ARB2A: variants seen among roughly 807,000 people sequenced by gnomAD.
The protein encoded by ARB2A is cotranscriptional regulator ARB2A.
the ARB2A span, among the ~76,000 whole-genome samples, chr5:93,627,719 C>T: frequency 6.6e-6 from 1 of 152,184 alleles, no homozygotes; most frequent in African/African-American, 2.4e-5. Context: ...GGATTACAAG[C>T]ATGAGCCACC....
chr5:93,760,462 GA>G, the ARB2A span, among the ~76,000 whole-genome samples: 1 of 152,106 alleles, frequency 6.6e-6, no homozygotes, highest in African/African-American at 2.4e-5. Context: ...TAAGCAAAAA[GA>G]ACAAATGTGG....
the ARB2A span, among the ~76,000 whole-genome samples, chr5:93,931,191 C>A: frequency 6.6e-6 from 1 of 152,090 alleles, no homozygotes; most frequent in Non-Finnish European, 1.5e-5. Context: ...CCCCACCGGG[C>A]GCAGTGACTC....
chr5:93,682,995 A>G, the ARB2A span: 1 of 1,582,688 alleles, frequency 6.3e-7, no homozygotes, highest in Non-Finnish European at 8.6e-7. Flanking sequence ...TCTTCTACAG[A>G]ACTAGGTCCT....
chr5:93,976,348 GA>G, the ARB2A span, among the ~76,000 whole-genome samples: 1 of 152,192 alleles, frequency 6.6e-6, no homozygotes, highest in East Asian at 1.9e-4. Context: ...TTCCCCCTAA[GA>G]AGATATCCAG....
the ARB2A span, among the ~76,000 whole-genome samples, chr5:94,020,027 A>G: frequency 2.6e-5 from 4 of 152,218 alleles, no homozygotes; most frequent in African/African-American, 7.2e-5. Context: ...ATGTCCATCA[A>G]TGATAGACAG....
At chr5:93,816,040 T>C in the ARB2A span, among the ~76,000 whole-genome samples, 1 of 152,224 alleles carries the variant, frequency 6.6e-6, no homozygotes, top group Non-Finnish European at 1.5e-5. Flanking sequence ...AGATCAAGTA[T>C]GCTTTGAGTC....
At chr5:94,000,347 T>C in the ARB2A span, among the ~76,000 whole-genome samples, 1 of 152,096 alleles carries the variant, frequency 6.6e-6, no homozygotes, top group African/African-American at 2.4e-5. Context: ...TTTTGGATTT[T>C]GGCCATTCTA....
chr5:94,050,644 A>T, the ARB2A span: 1 of 898,204 alleles, frequency 1.1e-6, no homozygotes, highest in Non-Finnish European at 1.7e-6. Context: ...TTGTAGAAAG[A>T]GTGCATAAAC....
At chr5:94,090,687 G>C in the ARB2A span, among the ~76,000 whole-genome samples, 1 of 152,094 alleles carries the variant, frequency 6.6e-6, no homozygotes, top group Non-Finnish European at 1.5e-5. Context: ...TTATTATTTT[G>C]AGATACATTC....
the ARB2A span, chr5:93,881,475 T>A: frequency 3.7e-6 from 6 of 1,608,478 alleles, no homozygotes; most frequent in Non-Finnish European, 5.1e-6. Context: ...CTCACTCTGA[T>A]ATACAATTGC....
At chr5:94,010,299 C>T in the ARB2A span, among the ~76,000 whole-genome samples, 3 of 151,976 alleles carry the variant, frequency 2.0e-5, no homozygotes, top group Admixed American at 6.6e-5. Context: ...ATTTCCTCTT[C>T]GAATGATGGA....
At chr5:93,785,357 TTC>T in the ARB2A span, among the ~76,000 whole-genome samples, 23 of 152,202 alleles carry the variant, frequency 1.5e-4, no homozygotes, top group Non-Finnish European at 4.4e-5. Context: ...CATAATAATG[TTC>T]TTTTTTTTGC....
chr5:93,664,696 T>C, the ARB2A span, among the ~76,000 whole-genome samples: 1 of 150,688 alleles, frequency 6.6e-6, no homozygotes, highest in South Asian at 2.1e-4. Flanking sequence ...ATACATAATA[T>C]GAATTATACA....
the ARB2A span, among the ~76,000 whole-genome samples, chr5:93,852,015 T>G: frequency 6.6e-6 from 1 of 152,206 alleles, no homozygotes; most frequent in Non-Finnish European, 1.5e-5. Flanking sequence ...TCTAGATCCC[T>G]GAGGAATCGC....
chr5:93,801,268 CT>C, the ARB2A span, among the ~76,000 whole-genome samples: 1 of 152,106 alleles, frequency 6.6e-6, no homozygotes, highest in Non-Finnish European at 1.5e-5. Flanking sequence ...ACTGGATACT[CT>C]ATTTATTTGT....
At chr5:93,869,679 G>A in the ARB2A span, among the ~76,000 whole-genome samples, 1 of 152,010 alleles carries the variant, frequency 6.6e-6, no homozygotes, top group Admixed American at 6.6e-5. Flanking sequence ...ATTTGTTTCT[G>A]CCCCACCCTA....
chr5:94,062,281 T>C, the ARB2A span, among the ~76,000 whole-genome samples: 1 of 151,896 alleles, frequency 6.6e-6, no homozygotes, highest in African/African-American at 2.4e-5. Context: ...GAGGGGGAGG[T>C]GCTTCAAGAA....
At chr5:93,647,241 C>T in the ARB2A span, among the ~76,000 whole-genome samples, 1 of 152,020 alleles carries the variant, frequency 6.6e-6, no homozygotes, top group Non-Finnish European at 1.5e-5. Context: ...TTTCTTCCCC[C>T]CCGAGACGGA....
chr5:93,804,360 GGAT>G, the ARB2A span, among the ~76,000 whole-genome samples: 1 of 151,856 alleles, frequency 6.6e-6, no homozygotes, highest in Non-Finnish European at 1.5e-5. Flanking sequence ...ATATCTGCAA[GGAT>G]TATTCACTAA....
Sources: gnomAD v4.1 joint callset for allele counts (sites outside exome capture counted in the v4.1 genomes callset) on GRCh38, gnomAD v4.1.1 for gene constraint, MANE v1.5 for transcripts, NCBI Gene and HGNC (gene_info 2026-07-23, HGNC 2026-07-21) for gene names.